Variants in SDC2 observed in about 807,000 individuals in gnomAD.
The protein encoded by SDC2 is syndecan 2.
In SDC2, 13 loss-of-function variants were observed where a neutral mutation model predicts 22.2. The ratio of observed to expected loss-of-function variants is 0.59; its 90% confidence interval spans 0.38 to 0.93. SDC2 has a LOEUF of 0.93. SDC2 is among the 40% of genes least tolerant of loss of function. SDC2 has a pLI of 0.00. For synonymous variants in SDC2, 94 were observed against 92.8 expected (o/e 1.01, Z -0.07); for missense variants, 235 against 246.8 (o/e 0.95, Z 0.32).
chr8:96,530,253 G>A (rs1202018846), intron 1 of SDC2, among the ~76,000 whole-genome samples: 1 of 152,140 alleles, frequency 6.6e-6, no homozygotes, highest in Non-Finnish European at 1.5e-5. Context: ...CCTTTCAGCA[G>A]AATTTTGGAA....
At chr8:96,548,798 A>G (rs1813977158) in intron 1 of SDC2, among the ~76,000 whole-genome samples, 1 of 152,204 alleles carries the variant, frequency 6.6e-6, no homozygotes, top group African/African-American at 2.4e-5. Context: ...CTTTGCAATG[A>G]ACATGAAACA....
At chr8:96,581,181 C>T (rs1270890894) in intron 1 of SDC2, among the ~76,000 whole-genome samples, 3 of 152,242 alleles carry the variant, frequency 2.0e-5, no homozygotes, top group Non-Finnish European at 4.4e-5. Flanking sequence ...CAGCCTCATT[C>T]GGGGGCAAAA....
chr8:96,524,808 CT>C (rs1289691876), intron 1 of SDC2, among the ~76,000 whole-genome samples: 2 of 152,168 alleles, frequency 1.3e-5, no homozygotes, highest in African/African-American at 4.8e-5. Flanking sequence ...CTTCATTGGG[CT>C]GTTCAATGAG....
chr8:96,511,202 A>G, intron 1 of SDC2, among the ~76,000 whole-genome samples: 1 of 152,176 alleles, frequency 6.6e-6, no homozygotes, highest in East Asian at 1.9e-4. Flanking sequence ...TTGACAGCAC[A>G]GACACTATTG....
intron 2 of SDC2, among the ~76,000 whole-genome samples, chr8:96,599,200 C>G (rs921426376): frequency 6.6e-6 from 1 of 152,220 alleles, no homozygotes; most frequent in Admixed American, 6.5e-5. Context: ...CTCGGCCTCC[C>G]AAAGTGCTAG....
chr8:96,586,568 C>T (rs377735680), intron 1 of SDC2: 28 of 152,232 alleles, frequency 1.8e-4, no homozygotes, highest in African/African-American at 6.5e-4. Flanking sequence ...ACTTCAAGGA[C>T]TGTGAATAAT....
chr8:96,574,128 A>G lies in SDC2; in HGVS notation c.61-19352A>G, dbSNP rs1006564205. Among the ~76,000 whole-genome samples the G allele has an allele frequency of 1.3e-4, 19 of 149,022 alleles. No homozygotes were observed. The East Asian group carries it at 3.4e-3, about 27-fold the overall frequency. ...CGTGCACACACCCTGCACGGTGCTC[A>G]GTGAATAAATGAATTAACTCTTGGT... is the stretch of plus-strand genomic sequence containing the variant. On this transcript the variant is annotated intron_variant, in intron 1 of 4. Transcript: ENST00000302190.
chr8:96,549,857 G>A (rs895149670), intron 1 of SDC2, among the ~76,000 whole-genome samples: 18 of 152,158 alleles, frequency 1.2e-4, no homozygotes, highest in Non-Finnish European at 1.9e-4. Flanking sequence ...CTGTTATAAT[G>A]TGTGGCATAT....
chr8:96,544,274 T>G (rs902202570), intron 1 of SDC2, among the ~76,000 whole-genome samples: 3 of 152,214 alleles, frequency 2.0e-5, no homozygotes, highest in Non-Finnish European at 4.4e-5. Flanking sequence ...ATCACCATCC[T>G]ACCGGTATAC....
At chr8:96,594,529 C>T in intron 2 of SDC2, among the ~76,000 whole-genome samples, 1 of 152,140 alleles carries the variant, frequency 6.6e-6, no homozygotes, top group East Asian at 1.9e-4. Context: ...AGTCAGAAGG[C>T]CAGAACAGAC....
intron 1 of SDC2, among the ~76,000 whole-genome samples, chr8:96,538,032 G>A (rs185325952): frequency 9.7e-4 from 147 of 152,248 alleles, no homozygotes; most frequent in East Asian, 1.9e-3. Flanking sequence ...GTGCAATCTC[G>A]GCTCACTGCA....
intron 1 of SDC2, among the ~76,000 whole-genome samples, chr8:96,562,816 T>C (rs181182189): frequency 6.6e-6 from 1 of 152,278 alleles, no homozygotes; most frequent in Admixed American, 6.5e-5. Flanking sequence ...TGACCTCCAT[T>C]CCAGATTTCC....
At chr8:96,599,461 A>T (rs1163606315) in intron 2 of SDC2, among the ~76,000 whole-genome samples, 2 of 152,184 alleles carry the variant, frequency 1.3e-5, no homozygotes, top group African/African-American at 4.8e-5. Flanking sequence ...TAAGCATATT[A>T]TATGTAAAAT....
At chr8:96,516,670 G>T (rs776084076) in intron 1 of SDC2, among the ~76,000 whole-genome samples, 3 of 152,142 alleles carry the variant, frequency 2.0e-5, no homozygotes, top group African/African-American at 7.2e-5. Context: ...TTATGTAAGT[G>T]GAATCATGTA....
In SDC2 at chr8:96,564,409, T is replaced by C. The variant is rs138770748; in HGVS notation, c.61-29071T>C. On this transcript the variant is annotated intron_variant, in intron 1 of 4. Coordinates refer to ENST00000302190, the MANE Select transcript of SDC2 (RefSeq NM_002998.4). ...GATTTGAGTAGGGCATCTGGAACTTTTTAGAAGATAATCAGTACCTAATAG... is the reference window on the plus strand; with the variant it reads ...GATTTGAGTAGGGCATCTGGAACTTCTTAGAAGATAATCAGTACCTAATAG... Among the ~76,000 whole-genome samples, 875 of 152,312 alleles carry C rather than the reference T, an allele frequency of 5.7e-3. 7 individuals are homozygous for C. The highest frequency in any genetic ancestry group is 0.02 in the African/African-American group (838 of 41,564).
intron 1 of SDC2, among the ~76,000 whole-genome samples, chr8:96,583,515 G>A (rs76895843): frequency 0.082 from 12,299 of 149,668 alleles, 585 homozygotes; most frequent in East Asian, 0.21. Flanking sequence ...ATGACTTATC[G>A]GTCTTGTGCT....
intron 2 of SDC2, among the ~76,000 whole-genome samples, chr8:96,597,944 A>G (rs1814908545): frequency 6.6e-6 from 1 of 152,208 alleles, no homozygotes; most frequent in Admixed American, 6.5e-5. Context: ...AAAAAGTATT[A>G]TTTTTATAAG....
chr8:96,506,297 G>A (rs1213581190), intron 1 of SDC2, among the ~76,000 whole-genome samples: 1 of 152,106 alleles, frequency 6.6e-6, no homozygotes, highest in African/African-American at 2.4e-5. Flanking sequence ...TTTCTATCAG[G>A]GGAGAAAGTA....
At chr8:96,547,886 C>T (rs980515103) in intron 1 of SDC2, among the ~76,000 whole-genome samples, 1 of 151,938 alleles carries the variant, frequency 6.6e-6, no homozygotes, top group African/African-American at 2.4e-5. Flanking sequence ...CTGAGCCTCC[C>T]AAGTAGCTGG....
Sources: allele counts gnomAD v4.1 joint callset (sites outside exome capture counted in the v4.1 genomes callset), GRCh38; gene constraint gnomAD v4.1.1; transcripts MANE v1.5; gene names NCBI Gene and HGNC (gene_info 2026-07-23, HGNC 2026-07-21).